Variants in SNX29 observed in about 807,000 individuals in gnomAD.
SNX29 encodes the protein sorting nexin-29.
In SNX29, 78 loss-of-function variants were observed where a neutral mutation model predicts 102.1. The observed-to-expected ratio is 0.76, with a 90% CI of 0.64 to 0.92. The LOEUF is 0.92. SNX29 is among the 40% of genes least tolerant of loss of function. The pLI is 0.00. For missense variants in SNX29, 1,280 were observed against 1,061.7 expected (o/e 1.21, Z -2.86); for synonymous variants, 580 against 414.5 (o/e 1.40, Z -4.85).
intron 20 of SNX29, among the ~76,000 whole-genome samples, chr16:12,533,690 C>T (rs189281207): frequency 1.9e-4 from 29 of 152,250 alleles, no homozygotes; most frequent in African/African-American, 5.8e-4. Flanking sequence ...TTACCTCTGT[C>T]GACTGGATGC....
chr16:12,526,894 C>G, intron 20 of SNX29: 1 of 394,710 alleles, frequency 2.5e-6, no homozygotes, highest in Non-Finnish European at 4.8e-6. Context: ...TGACATGAAT[C>G]TCAGCCATGC....
intron 15 of SNX29, among the ~76,000 whole-genome samples, chr16:12,316,358 C>G (rs1291234823): frequency 2.0e-5 from 3 of 152,162 alleles, no homozygotes; most frequent in Non-Finnish European, 4.4e-5. Context: ...TCCTGGCCAA[C>G]ATGGGGAAAC....
At chr16:12,044,961 T>A (rs1174095342) in intron 5 of SNX29, among the ~76,000 whole-genome samples, 2 of 152,152 alleles carry the variant, frequency 1.3e-5, no homozygotes, top group Non-Finnish European at 2.9e-5. Flanking sequence ...ACATACTCAG[T>A]CTCAAAGTTG....
At chr16:12,208,647 G>C (rs1451677000) in intron 14 of SNX29, among the ~76,000 whole-genome samples, 1 of 152,034 alleles carries the variant, frequency 6.6e-6, no homozygotes, top group African/African-American at 2.4e-5. Flanking sequence ...ACTGTAGTCT[G>C]GATGACGGAG....
At chr16:12,437,702 C>T (rs2085599830) in intron 18 of SNX29, among the ~76,000 whole-genome samples, 1 of 152,158 alleles carries the variant, frequency 6.6e-6, no homozygotes, top group African/African-American at 2.4e-5. Context: ...GGGTCAGGAG[C>T]ACACCGGCAC....
At chr16:12,365,296 A>C (rs1444109833) in intron 16 of SNX29, among the ~76,000 whole-genome samples, 1 of 144,812 alleles carries the variant, frequency 6.9e-6, no homozygotes, top group Non-Finnish European at 1.5e-5. Context: ...TCCCTTTCTT[A>C]TCTCTCCTTC....
chr16:12,334,568 A>G (rs1226201582), intron 15 of SNX29, among the ~76,000 whole-genome samples: 1 of 152,204 alleles, frequency 6.6e-6, no homozygotes, highest in Non-Finnish European at 1.5e-5. Flanking sequence ...TAAATCAAAG[A>G]TAAGAATCTG....
chr16:12,489,065 G>A (rs149231338), intron 19 of SNX29, among the ~76,000 whole-genome samples: 4 of 152,150 alleles, frequency 2.6e-5, no homozygotes, highest in South Asian at 2.1e-4. Flanking sequence ...GACTTAACCC[G>A]TATTCTATCT....
At chr16:12,265,793 G>A (rs1006240473) in intron 14 of SNX29, among the ~76,000 whole-genome samples, 1 of 151,932 alleles carries the variant, frequency 6.6e-6, no homozygotes, top group East Asian at 1.9e-4. Flanking sequence ...GGGAGGCCGA[G>A]GTGGAGGATC....
At chr16:12,530,516 C>T (rs1306654033) in intron 20 of SNX29, among the ~76,000 whole-genome samples, 7 of 151,796 alleles carry the variant, frequency 4.6e-5, no homozygotes, top group Non-Finnish European at 1.0e-4. Flanking sequence ...CAAATAGAAA[C>T]TCCACTGTTC....
chr16:12,330,918 G>A (rs575951242), intron 15 of SNX29, among the ~76,000 whole-genome samples: 1 of 152,374 alleles, frequency 6.6e-6, no homozygotes, highest in East Asian at 1.9e-4. Context: ...ACAGAATGTG[G>A]TTGGCCACTC....
At chr16:12,451,439 T>A (rs1182028069) in intron 18 of SNX29, among the ~76,000 whole-genome samples, 3 of 152,240 alleles carry the variant, frequency 2.0e-5, no homozygotes, top group Admixed American at 2.0e-4. Context: ...CATTTAATGA[T>A]CCGGTGGCTG....
In SNX29 at chr16:12,379,743, G is replaced by C. The variant is rs371090682; in HGVS notation, c.1900-18703G>C. On this transcript the variant is annotated intron_variant, in intron 16 of 20. Coordinates refer to ENST00000566228, the MANE Select transcript of SNX29 (RefSeq NM_032167.5). Reference sequence around the variant, plus strand: ...CTGATTTCTCTCTGGCAGGGCTGCTGCTTGGGTTTGATCACTGTGAGCAAC... The same window carrying C: ...CTGATTTCTCTCTGGCAGGGCTGCTCCTTGGGTTTGATCACTGTGAGCAAC... Among the ~76,000 whole-genome samples, 154 of 152,306 alleles carry C rather than the reference G, an allele frequency of 1.0e-3. 1 individual carries two copies. Among genetic ancestry groups the C allele is most frequent in the African/African-American group, 3.6e-3 (148 of 41,558 alleles).
intron 13 of SNX29, among the ~76,000 whole-genome samples, chr16:12,135,208 A>G (rs2054615890): frequency 1.3e-5 from 2 of 152,242 alleles, no homozygotes; most frequent in African/African-American, 4.8e-5. Flanking sequence ...TCTCTTCCAG[A>G]AACATCATCA....
intron 14 of SNX29, among the ~76,000 whole-genome samples, chr16:12,257,262 G>A (rs1178084218): frequency 6.6e-6 from 1 of 152,140 alleles, no homozygotes; most frequent in East Asian, 1.9e-4. Flanking sequence ...CTGTTCTCCT[G>A]CTTCTCCTCT....
chr16:12,387,376 G>A (rs570368971), intron 16 of SNX29, among the ~76,000 whole-genome samples: 1 of 152,136 alleles, frequency 6.6e-6, no homozygotes, highest in East Asian at 1.9e-4. Flanking sequence ...GATAGCACTC[G>A]AGCCTTGGGA....
At chr16:12,351,104 C>T (rs181151813) in intron 15 of SNX29, among the ~76,000 whole-genome samples, 3 of 152,308 alleles carry the variant, frequency 2.0e-5, no homozygotes, top group Admixed American at 2.0e-4. Context: ...TATAAGCCAA[C>T]CTCCCTTTGC....
At chr16:12,041,023 G>T (rs1236775171) in intron 4 of SNX29, among the ~76,000 whole-genome samples, 1 of 152,074 alleles carries the variant, frequency 6.6e-6, no homozygotes, top group Non-Finnish European at 1.5e-5. Flanking sequence ...TTTTGGCCAG[G>T]ATGGTCATCT....
chr16:12,397,178 C>G (rs1047799591), intron 16 of SNX29, among the ~76,000 whole-genome samples: 1 of 152,236 alleles, frequency 6.6e-6, no homozygotes. Flanking sequence ...CAGGCATGAG[C>G]CGCTTCACCC....
Sources: gnomAD v4.1 joint callset for allele counts (sites outside exome capture counted in the v4.1 genomes callset) on GRCh38, gnomAD v4.1.1 for gene constraint, MANE v1.5 for transcripts, NCBI Gene and HGNC (gene_info 2026-07-23, HGNC 2026-07-21) for gene names.